The following SNX14 variants were observed in gnomAD, a reference collection of about 807,000 sequenced individuals.
SNX14 encodes sorting nexin 14.
A neutral mutation model predicts 133.8 loss-of-function variants in SNX14; 93 were observed. That is an observed-to-expected ratio of 0.70 (90% CI 0.59 to 0.83). The LOEUF is 0.83. Among genes scored for constraint, SNX14 ranks in the 40% least tolerant of loss-of-function variants. The pLI, the probability that SNX14 is intolerant of heterozygous loss-of-function variation, is 0.00. For missense variants in SNX14, 945 were observed against 1,094.9 expected, an observed-to-expected ratio of 0.86 and a Z score of 1.93; for synonymous variants, 368 against 365.6, an observed-to-expected ratio of 1.01 and a Z score of -0.07.
At chr6:85,508,634 A>G (rs1771622414) in intron 26 of SNX14, among the ~76,000 whole-genome samples, 1 of 152,054 alleles carries the variant, frequency 6.6e-6, no homozygotes, top group Non-Finnish European at 1.5e-5. Context: ...GGACTTTTGC[A>G]TAAGTTACTA....
intron 14 of SNX14, among the ~76,000 whole-genome samples, chr6:85,542,714 T>A (rs1480865744): frequency 6.6e-6 from 1 of 152,140 alleles, no homozygotes; most frequent in Non-Finnish European, 1.5e-5. Flanking sequence ...TTTTTTAATC[T>A]TCACTTAATT....
Position 85,507,341 on chromosome 6 carries a change from A to C in SNX14, c.2746-52T>G, listed in dbSNP as rs1214986013. 4 of 1,442,776 alleles carry C rather than the reference A, an allele frequency of 2.8e-6. No homozygotes were observed. The South Asian group carries it at 3.7e-5, about 13-fold the overall frequency. 89.4% of individuals were successfully genotyped at this position (1,442,776 alleles called of 1,614,324 possible). A position where few individuals can be genotyped will look rare whatever the true frequency, so the allele number is the denominator to read the frequency against. ...AAATGTTAAGGCACTAAACACAAAA[A>C]CCATAAAAATGATACACACAAAATT... On this transcript the variant is annotated intron_variant, in intron 27 of 28. Transcript: ENST00000314673.
At chr6:85,573,509 T>C (rs774971333) in intron 2 of SNX14, among the ~76,000 whole-genome samples, 1 of 151,916 alleles carries the variant, frequency 6.6e-6, no homozygotes, top group Non-Finnish European at 1.5e-5. Context: ...GGAAAAGATA[T>C]CCCACTAAAC....
chr6:85,560,754 C>T (rs1791268755), intron 6 of SNX14, among the ~76,000 whole-genome samples: 2 of 152,278 alleles, frequency 1.3e-5, no homozygotes, highest in South Asian at 2.1e-4. Flanking sequence ...CTAACATAGG[C>T]CTGGCACAGT....
At chr6:85,527,865 G>A (rs1021227101) in intron 20 of SNX14, among the ~76,000 whole-genome samples, 2 of 152,034 alleles carry the variant, frequency 1.3e-5, no homozygotes, top group Non-Finnish European at 2.9e-5. Context: ...AGACTCCAAA[G>A]TTCAGAAAAA....
intron 18 of SNX14, 54 bp downstream of exon 18, chr6:85,533,542 TAAC>T (rs1780921993): frequency 1.6e-5 from 25 of 1,527,020 alleles, no homozygotes; most frequent in Non-Finnish European, 2.2e-5. Context: ...TCATACCTGA[TAAC>T]AACAGACTCA....
At chr6:85,526,970 G>A (rs1010037459) in intron 20 of SNX14, among the ~76,000 whole-genome samples, 1 of 152,148 alleles carries the variant, frequency 6.6e-6, no homozygotes, top group Non-Finnish European at 1.5e-5. Context: ...TTGGGAGGCC[G>A]AGGCTGGAGA....
chr6:85,555,706 G>A (rs747201731), intron 7 of SNX14, among the ~76,000 whole-genome samples: 16 of 152,118 alleles, frequency 1.1e-4, no homozygotes, highest in South Asian at 2.1e-4. Flanking sequence ...AAAACCTAAC[G>A]AGGCCAGGCA....
At position 85,527,022 on chromosome 6, in the gene SNX14, T is replaced by C. The variant is rs540350844; in HGVS notation, c.1996-785A>G. On this transcript the variant is annotated intron_variant, in intron 20 of 28. Transcript: ENST00000314673. ...AGGTGGAGGTTGCAGTGAGCTGAGATCGTGCCGTTGCGCTCCAGCCTAGAT... is the reference window on the plus strand; with the variant it reads ...AGGTGGAGGTTGCAGTGAGCTGAGACCGTGCCGTTGCGCTCCAGCCTAGAT... Among the ~76,000 whole-genome samples the C allele has an allele frequency of 4.6e-5, 7 of 152,224 alleles. No homozygotes were observed. In the East Asian group the frequency reaches 1.3e-3, roughly 29 times the overall value.
chr6:85,543,560 A>G, intron 13 of SNX14, 45 bp downstream of exon 13: 1 of 1,461,550 alleles, frequency 6.8e-7, no homozygotes, highest in South Asian at 1.3e-5. Context: ...AAATGGAAAA[A>G]CTGTAAGAGT....
chr6:85,582,845 A>G (rs1799469491), intron 1 of SNX14, among the ~76,000 whole-genome samples: 1 of 152,204 alleles, frequency 6.6e-6, no homozygotes, highest in Non-Finnish European at 1.5e-5. Context: ...CCAAAGGTAC[A>G]AAGAGGAGCT....
At chr6:85,561,321 C>G (rs1791507061) in intron 6 of SNX14, 1 of 150,708 alleles carries the variant, frequency 6.6e-6, no homozygotes, top group Admixed American at 6.6e-5. Flanking sequence ...GCACTCCAGT[C>G]TGGGCAATAA....
chr6:85,531,453 C>G (rs1780274067), intron 18 of SNX14, among the ~76,000 whole-genome samples: 1 of 152,096 alleles, frequency 6.6e-6, no homozygotes, highest in African/African-American at 2.4e-5. Context: ...TCGAGTGAAC[C>G]AATACCACAA....
chr6:85,548,084 G>T (rs181755618), intron 9 of SNX14, among the ~76,000 whole-genome samples: 3 of 152,278 alleles, frequency 2.0e-5, no homozygotes, highest in South Asian at 2.1e-4. Flanking sequence ...TGGTTGCCAG[G>T]GGGGGCTGGA....
At chr6:85,546,374 A>G (rs1197988070) in intron 12 of SNX14, among the ~76,000 whole-genome samples, 1 of 152,236 alleles carries the variant, frequency 6.6e-6, no homozygotes, top group Non-Finnish European at 1.5e-5. Context: ...ATTAAAAACA[A>G]TATTTTCAGT....
At chr6:85,520,685 T>G (rs1170573220) in intron 21 of SNX14, among the ~76,000 whole-genome samples, 1 of 152,180 alleles carries the variant, frequency 6.6e-6, no homozygotes, top group Admixed American at 6.5e-5. Flanking sequence ...TTCAAACTTT[T>G]CCAGCTTACA....
intron 26 of SNX14, among the ~76,000 whole-genome samples, chr6:85,512,868 A>C (rs1012059360): frequency 1.3e-5 from 2 of 151,868 alleles, no homozygotes; most frequent in African/African-American, 4.8e-5. Flanking sequence ...TGAATCTAAG[A>C]GTTGTTTAGT....
chr6:85,571,446 A>G (rs1795558478), intron 4 of SNX14, among the ~76,000 whole-genome samples: 1 of 152,184 alleles, frequency 6.6e-6, no homozygotes, highest in Non-Finnish European at 1.5e-5. Context: ...AATGGGATAA[A>G]GAACAATTAA....
rs567468167 is a variant in SNX14, at chr6:85,593,675, C to A, written c.44G>T (p.Arg15Leu). 78 of 1,613,394 alleles carry A rather than the reference C, an allele frequency of 4.8e-5. No individual in the cohort carries two copies. Among genetic ancestry groups the A allele is most frequent in the Non-Finnish European group, 1.8e-5 (21 of 1,179,948 alleles). ...CTCGCGTCCCACGTCCAGTCGCAGC[C>A]GCTGCTTCAGCTTCTGCCCCATCGT... The part of the protein sequence containing the change: ...VRTMGQKLKQ[R>L]LRLDVGREIC... Residue 15 changes from arginine to leucine, a missense_variant, in exon 1 of 29, where the codon CGG (arginine) becomes CTG (leucine). Transcript: ENST00000314673.
Sources: gnomAD v4.1 joint callset for allele counts (sites outside exome capture counted in the v4.1 genomes callset) on GRCh38, gnomAD v4.1.1 for gene constraint, MANE v1.5 for transcripts, NCBI Gene and HGNC (gene_info 2026-07-23, HGNC 2026-07-21) for gene names.